Variants in SLC35F1 observed in about 807,000 individuals in gnomAD.
SLC35F1 encodes the protein solute carrier family 35 member F1.
In SLC35F1, 14 loss-of-function variants were observed where a neutral mutation model predicts 48.7. The observed-to-expected ratio is 0.29, with a 90% CI of 0.19 to 0.45. SLC35F1 has a LOEUF of 0.45. SLC35F1 is among the 20% of genes least tolerant of loss of function. SLC35F1 has a pLI of 1.00. For synonymous variants in SLC35F1, 190 were observed against 202.2 expected, an observed-to-expected ratio of 0.94 and a Z score of 0.51; for missense variants, 404 against 500.0, an observed-to-expected ratio of 0.81 and a Z score of 1.83.
At chr6:117,917,023 A>C (rs914749488) in intron 1 of SLC35F1, among the ~76,000 whole-genome samples, 1 of 152,224 alleles carries the variant, frequency 6.6e-6, no homozygotes, top group African/African-American at 2.4e-5. Flanking sequence ...CAACAGTGGC[A>C]AATAATATGC....
rs149229606 is a variant in SLC35F1, at chr6:118,048,172, G to A, written c.174-106273G>A. Among the ~76,000 whole-genome samples the A allele has an allele frequency of 7.3e-3, 1,114 of 152,140 alleles. 12 individuals are homozygous for A. Among genetic ancestry groups the A allele is most frequent in the Middle Eastern group, 0.024 (7 of 294 alleles). On this transcript the variant is annotated intron_variant, in intron 1 of 7. Coordinates refer to ENST00000360388, the MANE Select transcript of SLC35F1 (RefSeq NM_001029858.4). ...TTTTTGTCTTTAGTTCTATTTATATGCTGGATTACATTTATTGATTTGCGT... is the reference window on the plus strand; with the variant it reads ...TTTTTGTCTTTAGTTCTATTTATATACTGGATTACATTTATTGATTTGCGT...
intron 1 of SLC35F1, among the ~76,000 whole-genome samples, chr6:117,953,632 T>TC (rs1776391186): frequency 6.6e-6 from 1 of 152,172 alleles, no homozygotes; most frequent in Non-Finnish European, 1.5e-5. Context: ...TTGTTTCCCA[T>TC]CTGTGGGTCA....
chr6:118,126,291 A>G (rs966700816), intron 1 of SLC35F1, among the ~76,000 whole-genome samples: 1 of 152,190 alleles, frequency 6.6e-6, no homozygotes, highest in Non-Finnish European at 1.5e-5. Flanking sequence ...AGATAGTTGT[A>G]GATATGCGGC....
At chr6:117,939,008 C>CTTTT (rs576443846) in intron 1 of SLC35F1, among the ~76,000 whole-genome samples, 1 of 132,098 alleles carries the variant, frequency 7.6e-6, no homozygotes, top group African/African-American at 2.8e-5. Context: ...AATTCTTGTT[C>CTTTT]TTTTTTTTTT....
chr6:118,304,038 T>C (rs1335559451), intron 7 of SLC35F1, among the ~76,000 whole-genome samples: 1 of 152,204 alleles, frequency 6.6e-6, no homozygotes, highest in East Asian at 1.9e-4. Context: ...GGGATTAAGA[T>C]GTGGATGTCT....
intron 1 of SLC35F1, among the ~76,000 whole-genome samples, chr6:118,032,491 GA>G: frequency 6.6e-6 from 1 of 152,182 alleles, no homozygotes; most frequent in Non-Finnish European, 1.5e-5. Context: ...TGCCTTGAGA[GA>G]AAACATCTCC....
intron 1 of SLC35F1, among the ~76,000 whole-genome samples, chr6:117,950,819 C>T (rs903020163): frequency 6.6e-6 from 1 of 151,992 alleles, no homozygotes; most frequent in Non-Finnish European, 1.5e-5. Context: ...ATTATAATTC[C>T]TTAAATTACA....
chr6:118,149,794 CA>C (rs1486067159), intron 1 of SLC35F1, among the ~76,000 whole-genome samples: 31 of 152,046 alleles, frequency 2.0e-4, no homozygotes, highest in African/African-American at 7.2e-4. Context: ...ACTGAAGAAA[CA>C]AGAATAGATT....
chr6:118,306,610 C>T (rs1489370069), intron 7 of SLC35F1, among the ~76,000 whole-genome samples: 1 of 152,150 alleles, frequency 6.6e-6, no homozygotes. Context: ...ATAATAAGAA[C>T]GATGCATGGG....
intron 7 of SLC35F1, among the ~76,000 whole-genome samples, chr6:118,290,986 A>G (rs1874081): frequency 0.58 from 87,800 of 151,592 alleles, 25,922 homozygotes; most frequent in African/African-American, 0.67. Flanking sequence ...GTAGAGACGG[A>G]TTTTCACTAT....
intron 2 of SLC35F1, among the ~76,000 whole-genome samples, chr6:118,220,882 G>A (rs1406568476): frequency 2.0e-5 from 3 of 152,068 alleles, no homozygotes; most frequent in Non-Finnish European, 1.5e-5. Flanking sequence ...CCTTCTTTGA[G>A]GCCTCTGTAT....
chr6:118,192,279 G>A (rs1336810031), intron 2 of SLC35F1, among the ~76,000 whole-genome samples: 1 of 152,066 alleles, frequency 6.6e-6, no homozygotes, highest in Admixed American at 6.6e-5. Context: ...TTCTCCTTGG[G>A]TTAGCAGTTT....
intron 1 of SLC35F1, among the ~76,000 whole-genome samples, chr6:118,007,763 A>G (rs947032015): frequency 6.6e-6 from 1 of 152,134 alleles, no homozygotes; most frequent in African/African-American, 2.4e-5. Context: ...TCCTCTGCTC[A>G]GGTTGGGCTG....
At chr6:118,196,334 A>G (rs369775309) in intron 2 of SLC35F1, among the ~76,000 whole-genome samples, 1 of 152,228 alleles carries the variant, frequency 6.6e-6, no homozygotes, top group South Asian at 2.1e-4. Context: ...ATATAGACGT[A>G]CAGTGTCCTT....
intron 1 of SLC35F1, among the ~76,000 whole-genome samples, chr6:118,152,807 G>A (rs1774082230): frequency 6.6e-6 from 1 of 152,170 alleles, no homozygotes; most frequent in South Asian, 2.1e-4. Context: ...GAATGTAAAG[G>A]CTATGTCAGC....
intron 1 of SLC35F1, among the ~76,000 whole-genome samples, chr6:118,086,993 T>C (rs540822403): frequency 6.6e-6 from 1 of 152,336 alleles, no homozygotes; most frequent in East Asian, 1.9e-4. Flanking sequence ...TTGGTCTACA[T>C]GTCTGACTGT....
chr6:117,931,676 T>C (rs1465062475), intron 1 of SLC35F1, among the ~76,000 whole-genome samples: 1 of 152,024 alleles, frequency 6.6e-6, no homozygotes, highest in African/African-American at 2.4e-5. Context: ...TAGGGTGGAG[T>C]GTGTCAAGGC....
chr6:117,951,762 C>G (rs1381751877), intron 1 of SLC35F1, among the ~76,000 whole-genome samples: 2 of 152,206 alleles, frequency 1.3e-5, no homozygotes, highest in African/African-American at 4.8e-5. Context: ...AAGGACCCCA[C>G]ACTAATGCTC....
chr6:118,230,044 T>A (rs1318547857), intron 2 of SLC35F1, among the ~76,000 whole-genome samples: 1 of 152,180 alleles, frequency 6.6e-6, no homozygotes, highest in Non-Finnish European at 1.5e-5. Context: ...TACATGTGTA[T>A]AAAGACATAA....
Sources: gnomAD v4.1 joint callset for allele counts (sites outside exome capture counted in the v4.1 genomes callset) on GRCh38, gnomAD v4.1.1 for gene constraint, MANE v1.5 for transcripts, NCBI Gene and HGNC (gene_info 2026-07-23, HGNC 2026-07-21) for gene names.